Variants in CACNA1C observed in about 807,000 individuals in gnomAD.
CACNA1C encodes calcium voltage-gated channel subunit alpha1 C.
Under a neutral mutation model 229.0 loss-of-function variants are expected in CACNA1C, and 30 were observed. The ratio of observed to expected loss-of-function variants is 0.13; its 90% CI spans 0.10 to 0.18. The LOEUF (loss-of-function observed/expected upper bound fraction) is 0.18, where lower values mean the gene tolerates loss of function less well. Among genes scored for constraint, CACNA1C ranks in the 10% least tolerant of loss-of-function variants. The pLI is 1.00. For missense variants in CACNA1C, 1,658 were observed against 2,845.0 expected, an observed-to-expected ratio of 0.58 and a Z score of 9.49; for synonymous variants, 1,114 against 1,132.5, an observed-to-expected ratio of 0.98 and a Z score of 0.33.
chr12:2,688,306 G>A, intron 45 of CACNA1C, 141 bp from the exon 46 acceptor site: 1 of 719,242 alleles, frequency 1.4e-6, no homozygotes, highest in Non-Finnish European at 2.4e-6. Flanking sequence ...GACCGACAGG[G>A]GAAAATAATG....
In CACNA1C at chr12:2,578,020, T is replaced by C. The variant is rs371656929; in HGVS notation, c.1896-3570T>C. ...AGTAGCTGGGACTACAGGCGCCCGC[T>C]ACCACACCCGGCTAATTTTTTGTAT... On this transcript the variant is annotated intron_variant, in intron 13 of 46. Coordinates refer to ENST00000399655, the MANE Select transcript of CACNA1C (RefSeq NM_000719.7). Among the ~76,000 whole-genome samples the C allele has an allele frequency of 5.4e-4, 81 of 151,072 alleles. 1 individual carries two copies. The highest frequency in any genetic ancestry group is 2.7e-3 in the East Asian group (14 of 5,106).
intron 12 of CACNA1C, 48 bp from the exon 13 acceptor site, chr12:2,567,521 G>T: frequency 1.7e-6 from 2 of 1,192,240 alleles, no homozygotes. Flanking sequence ...CTCCCTCTCT[G>T]CCTCCTCTGG....
At chr12:2,590,855 A>G (rs1349158173) in intron 18 of CACNA1C, among the ~76,000 whole-genome samples, 3 of 152,224 alleles carry the variant, frequency 2.0e-5, no homozygotes, top group African/African-American at 4.8e-5. Flanking sequence ...TTTCGAGCAA[A>G]ACTGAAAAGA....
chr12:2,552,833 G>T (rs1186295359), intron 10 of CACNA1C, among the ~76,000 whole-genome samples: 2 of 152,188 alleles, frequency 1.3e-5, no homozygotes, highest in Admixed American at 6.5e-5. Flanking sequence ...CCATGGACAG[G>T]GAGGAAGATG....
At chr12:2,495,699 T>G (rs1024846749) in intron 7 of CACNA1C, among the ~76,000 whole-genome samples, 4 of 152,192 alleles carry the variant, frequency 2.6e-5, no homozygotes, top group African/African-American at 7.2e-5. Flanking sequence ...ATGGAAACAG[T>G]GTCAGAGGTG....
intron 38 of CACNA1C, among the ~76,000 whole-genome samples, chr12:2,674,258 G>C (rs1011628640): frequency 6.6e-6 from 1 of 152,246 alleles, no homozygotes; most frequent in Non-Finnish European, 1.5e-5. Context: ...CCGGTGGAGG[G>C]GCCCCCTGGC....
intron 1 of CACNA1C, among the ~76,000 whole-genome samples, chr12:2,021,223 G>A (rs2046387144): frequency 6.6e-6 from 1 of 152,214 alleles, no homozygotes; most frequent in East Asian, 1.9e-4. Flanking sequence ...TCTTACAGTT[G>A]AGGAAGCTGA....
intron 3 of CACNA1C, among the ~76,000 whole-genome samples, chr12:2,322,533 A>G (rs2096060929): frequency 6.6e-6 from 1 of 152,196 alleles, no homozygotes; most frequent in South Asian, 2.1e-4. Context: ...ATGAGAAGGC[A>G]AGAGAGAAAT....
chr12:2,538,984 G>A (rs2099862414), intron 9 of CACNA1C, among the ~76,000 whole-genome samples: 1 of 152,190 alleles, frequency 6.6e-6, no homozygotes, highest in African/African-American at 2.4e-5. Context: ...CTGCAAATGT[G>A]CATTTCAGCG....
intron 3 of CACNA1C, among the ~76,000 whole-genome samples, chr12:2,139,157 G>A (rs1423981986): frequency 1.3e-5 from 2 of 151,024 alleles, no homozygotes; most frequent in African/African-American, 2.4e-5. Context: ...GCACTCTGAG[G>A]AGTGTGTTCC....
Position 2,346,181 on chromosome 12 carries a change from G to A in CACNA1C, c.478-102795G>A, listed in dbSNP as rs909180540. On this transcript the variant is annotated intron_variant, in intron 3 of 46. Coordinates refer to ENST00000399655, the MANE Select transcript of CACNA1C (RefSeq NM_000719.7). This position sits in a 1 kb window ranked among gnomAD's most constrained non-coding sequence, Gnocchi z 4.4. ...GGCTTGGTTGTCTGTGGGTGGAGCC[G>A]AGGAAGGCAGAGGTGTGCGTGTGTG... Among the ~76,000 whole-genome samples the A allele has an allele frequency of 7.9e-5, 12 of 152,120 alleles. No individual in the cohort carries two copies. The highest frequency in any genetic ancestry group is 2.1e-4 in the South Asian group (1 of 4,818).
At chr12:2,564,465 T>C (rs2049203503) in intron 11 of CACNA1C, among the ~76,000 whole-genome samples, 1 of 152,158 alleles carries the variant, frequency 6.6e-6, no homozygotes, top group Admixed American at 6.5e-5. Flanking sequence ...TTCTACTTTG[T>C]TTCTCCTCCT....
Position 2,651,515 on chromosome 12 carries a change from A to T in CACNA1C, c.3946-125A>T. The T allele has an allele frequency of 7.0e-7, 1 of 1,422,864 alleles. No individual in the cohort carries two copies. The highest frequency in any genetic ancestry group is 9.9e-7 in the Non-Finnish European group (1 of 1,014,140). The allele number at this position is 1,422,864 out of a possible 1,614,324, so 88.1% of individuals were successfully genotyped here. A position where few individuals can be genotyped will look rare whatever the true frequency, so the allele number is the denominator to read the frequency against. ...GCCCTCCCATCGGAGGGGGAAGTCT[A>T]GTGCAGCAAACCCTGGCCTGCCTTC... On this transcript the variant is annotated intron_variant, in intron 31 of 46. Transcript: ENST00000399655. This position sits in a 1 kb window ranked among gnomAD's most constrained non-coding sequence, Gnocchi z 5.4.
chr12:2,338,649 A>G (rs1025606822), intron 3 of CACNA1C, among the ~76,000 whole-genome samples: 2 of 152,106 alleles, frequency 1.3e-5, no homozygotes, highest in African/African-American at 4.8e-5. Flanking sequence ...AGGGTTGGCA[A>G]GGTTGGTGTG....
chr12:2,421,678 C>T (rs926542719), intron 3 of CACNA1C, among the ~76,000 whole-genome samples: 1 of 152,076 alleles, frequency 6.6e-6, no homozygotes, highest in Non-Finnish European at 1.5e-5. Flanking sequence ...TTTGGGAGGC[C>T]GAGGTGGGTA....
chr12:2,107,516 T>C (rs1351080382), intron 1 of CACNA1C, among the ~76,000 whole-genome samples: 2 of 148,440 alleles, frequency 1.3e-5, no homozygotes, highest in Non-Finnish European at 3.0e-5. Flanking sequence ...CACTGGGTGC[T>C]CACCCTGGAG....
At chr12:2,105,451 G>C (rs1488715612) in intron 1 of CACNA1C, among the ~76,000 whole-genome samples, 2 of 152,224 alleles carry the variant, frequency 1.3e-5, no homozygotes, top group Non-Finnish European at 2.9e-5. Flanking sequence ...TCTGTAGCAG[G>C]ATGGGGGAGA....
chr12:2,322,412 A>T (rs1336854610), intron 3 of CACNA1C, among the ~76,000 whole-genome samples: 1 of 152,164 alleles, frequency 6.6e-6, no homozygotes, highest in East Asian at 1.9e-4. Context: ...TATTCCTGCC[A>T]CCGTGGGAGA....
chr12:2,530,433 G>A (rs1339417741), intron 9 of CACNA1C, among the ~76,000 whole-genome samples: 1 of 152,222 alleles, frequency 6.6e-6, no homozygotes, highest in African/African-American at 2.4e-5. Context: ...GTTCCTAGAA[G>A]TAAAAACTCT....
Sources: gnomAD v4.1 joint callset for allele counts (sites outside exome capture counted in the v4.1 genomes callset) on GRCh38, gnomAD v4.1.1 for gene constraint, Gnocchi (gnomAD v3.1) non-coding constraint, MANE v1.5 for transcripts, NCBI Gene and HGNC (gene_info 2026-07-23, HGNC 2026-07-21) for gene names.